Variants in EPB41L4A observed in about 807,000 individuals in gnomAD.
EPB41L4A encodes erythrocyte membrane protein band 4.1 like 4A.
EPB41L4A carries 100 observed loss-of-function variants against 108.6 expected under a neutral mutation model. That is an observed-to-expected ratio of 0.92 (90% CI 0.78 to 1.09). The LOEUF is 1.09. EPB41L4A is among the 50% of genes least tolerant of loss of function. EPB41L4A has a pLI of 0.00. For missense variants in EPB41L4A, 1,030 were observed against 842.7 expected (o/e 1.22, Z -2.75); for synonymous variants, 319 against 289.0 (o/e 1.10, Z -1.05).
intron 8 of EPB41L4A, among the ~76,000 whole-genome samples, 163 bp from the exon 9 acceptor site, chr5:112,259,455 T>A (rs76164632): frequency 0.028 from 4,210 of 152,310 alleles, 276 homozygotes; most frequent in East Asian, 0.26. Flanking sequence ...TACACTCTAA[T>A]GAAAACTCCA....
At chr5:112,167,306 C>T (rs886775993) in intron 22 of EPB41L4A, among the ~76,000 whole-genome samples, 7 of 152,164 alleles carry the variant, frequency 4.6e-5, no homozygotes, top group Non-Finnish European at 8.8e-5. Context: ...AAAGCCTAAA[C>T]TTAATCATGA....
chr5:112,203,212 C>T (rs111706536), intron 15 of EPB41L4A, among the ~76,000 whole-genome samples: 16,285 of 151,810 alleles, frequency 0.11, 2,128 homozygotes, highest in African/African-American at 0.3. Context: ...AAAAATTAGC[C>T]GGGCCTGATG....
chr5:112,346,045 A>T (rs950984496), intron 1 of EPB41L4A, among the ~76,000 whole-genome samples: 1 of 151,920 alleles, frequency 6.6e-6, no homozygotes, highest in African/African-American at 2.4e-5. Flanking sequence ...AGATTACTAG[A>T]AAGACTAAGA....
chr5:112,279,434 A>ATTATTAG (rs1241379875), intron 3 of EPB41L4A, among the ~76,000 whole-genome samples: 10 of 152,212 alleles, frequency 6.6e-5, no homozygotes, highest in Non-Finnish European at 1.3e-4. Context: ...AATAATTCAC[A>ATTATTAG]CAGTTCAGCA....
intron 1 of EPB41L4A, among the ~76,000 whole-genome samples, chr5:112,385,356 T>C (rs1742220096): frequency 6.6e-6 from 1 of 152,028 alleles, no homozygotes; most frequent in African/African-American, 2.4e-5. Context: ...GGAAAACCAT[T>C]ACAGAGAGGG....
chr5:112,215,064 A>G (rs1190770092), intron 12 of EPB41L4A, among the ~76,000 whole-genome samples: 1 of 152,204 alleles, frequency 6.6e-6, no homozygotes, highest in Non-Finnish European at 1.5e-5. Flanking sequence ...GTACTCAATG[A>G]ATGTCTATTA....
At position 112,164,914 on chromosome 5, in the gene EPB41L4A, A is replaced by G; in HGVS notation, c.*76T>C. ...TTGCAGGTCTGAGATTTGAATTAAGATACCTATTTCACAGTTTCAAAAGTA... is the reference window on the plus strand; with the variant it reads ...TTGCAGGTCTGAGATTTGAATTAAGGTACCTATTTCACAGTTTCAAAAGTA... On this transcript the variant is annotated 3_prime_UTR_variant, in exon 23 of 23. Coordinates refer to ENST00000261486, the MANE Select transcript of EPB41L4A (RefSeq NM_022140.5). 1 of 1,352,442 alleles carries G rather than the reference A, an allele frequency of 7.4e-7. No homozygotes were observed. Among genetic ancestry groups the G allele is most frequent in the Non-Finnish European group, 9.9e-7 (1 of 1,011,872 alleles). 83.8% of individuals were successfully genotyped at this position (1,352,442 alleles called of 1,614,324 possible).
At chr5:112,295,328 C>A (rs377357988) in intron 2 of EPB41L4A, among the ~76,000 whole-genome samples, 6 of 152,282 alleles carry the variant, frequency 3.9e-5, no homozygotes, top group East Asian at 1.9e-4. Flanking sequence ...GCTATTGTAA[C>A]AAAGGTGCAG....
At chr5:112,239,783 G>A in intron 10 of EPB41L4A, 46 bp from the exon 11 acceptor site, 1 of 1,303,658 alleles carries the variant, frequency 7.7e-7, no homozygotes, top group Non-Finnish European at 1.1e-6. Flanking sequence ...CAATGTTATA[G>A]GCATTCTGGG....
intron 1 of EPB41L4A, among the ~76,000 whole-genome samples, chr5:112,355,783 C>T (rs756227794): frequency 6.6e-6 from 1 of 152,140 alleles, no homozygotes; most frequent in African/African-American, 2.4e-5. Context: ...AAAGCCATAA[C>T]AAATACACAT....
chr5:112,170,085 A>G (rs1232501983), intron 20 of EPB41L4A: 1 of 539,008 alleles, frequency 1.9e-6, no homozygotes, highest in East Asian at 3.4e-5. Context: ...GTACCTACCA[A>G]GTACAAAGAG....
At chr5:112,409,464 A>C (rs2112801578) in intron 1 of EPB41L4A, among the ~76,000 whole-genome samples, 1 of 152,280 alleles carries the variant, frequency 6.6e-6, no homozygotes, top group African/African-American at 2.4e-5. Context: ...GGACAATTTA[A>C]ATGGGTAAGT....
intron 3 of EPB41L4A, among the ~76,000 whole-genome samples, chr5:112,278,436 G>A (rs1265610233): frequency 6.6e-6 from 1 of 151,854 alleles, no homozygotes; most frequent in Non-Finnish European, 1.5e-5. Context: ...ATTTTTAGCA[G>A]AGACGAGGCT....
chr5:112,419,339 G>A (rs925391038), upstream of EPB41L4A: 4 of 334,722 alleles, frequency 1.2e-5, no homozygotes, highest in African/African-American at 9.1e-5. Flanking sequence ...CCGAAGGCGG[G>A]GGCGCGGGGC....
intron 2 of EPB41L4A, among the ~76,000 whole-genome samples, chr5:112,293,077 T>C (rs762483825): frequency 4.6e-5 from 7 of 152,162 alleles, no homozygotes; most frequent in Non-Finnish European, 7.4e-5. Flanking sequence ...TGGTTGTATA[T>C]ACAAAAATAT....
chr5:112,326,144 C>T (rs1336822955), intron 1 of EPB41L4A, among the ~76,000 whole-genome samples: 1 of 152,044 alleles, frequency 6.6e-6, no homozygotes, highest in African/African-American at 2.4e-5. Flanking sequence ...AGTGAGACTC[C>T]ATCTCTTAAA....
At chr5:112,340,458 C>G (rs1391539674) in intron 1 of EPB41L4A, among the ~76,000 whole-genome samples, 2 of 152,156 alleles carry the variant, frequency 1.3e-5, no homozygotes, top group Non-Finnish European at 2.9e-5. Flanking sequence ...TAACCATGAC[C>G]CCTGCTTTGG....
At chr5:112,313,331 C>A (rs1392650824) in intron 1 of EPB41L4A, among the ~76,000 whole-genome samples, 2 of 152,172 alleles carry the variant, frequency 1.3e-5, no homozygotes, top group Non-Finnish European at 2.9e-5. Flanking sequence ...GTGGCTCACG[C>A]CTGTAATCCC....
chr5:112,339,466 ATATATATC>A (rs1757123450), intron 1 of EPB41L4A, among the ~76,000 whole-genome samples: 2 of 54,598 alleles, frequency 3.7e-5, no homozygotes, highest in Admixed American at 2.4e-4. Flanking sequence ...CTATAGATAT[ATATATATC>A]TATATATATA....
Sources: gnomAD v4.1 joint callset for allele counts (sites outside exome capture counted in the v4.1 genomes callset) on GRCh38, gnomAD v4.1.1 for gene constraint, MANE v1.5 for transcripts, NCBI Gene and HGNC (gene_info 2026-07-23, HGNC 2026-07-21) for gene names.